Variants in TEAD1 observed in about 807,000 individuals in gnomAD.
TEAD1 encodes the protein TEA domain transcription factor 1.
TEAD1 carries 9 observed loss-of-function variants against 54.9 expected under a neutral mutation model. The ratio of observed to expected loss-of-function variants is 0.16; its 90% CI spans 0.10 to 0.29. TEAD1 has a LOEUF of 0.29. Ranked by LOEUF, TEAD1 falls within the 10% of genes least tolerant of loss-of-function variation. TEAD1 has a pLI of 1.00. For synonymous variants in TEAD1, 200 were observed against 187.8 expected (o/e 1.07, Z -0.53); for missense variants, 387 against 535.9 (o/e 0.72, Z 2.74).
At chr11:12,822,029 T>C (rs1325428569) in intron 3 of TEAD1, among the ~76,000 whole-genome samples, 1 of 137,856 alleles carries the variant, frequency 7.3e-6, no homozygotes, top group East Asian at 2.4e-4. Flanking sequence ...AGTGGCGCGA[T>C]CTCCGCTCAC....
intron 10 of TEAD1, among the ~76,000 whole-genome samples, chr11:12,908,316 A>T (rs758093444): frequency 1.3e-5 from 2 of 152,058 alleles, no homozygotes; most frequent in Non-Finnish European, 2.9e-5. Context: ...AGCCAGCTGG[A>T]GTTATTCGAA....
chr11:12,928,498 G>C (rs887709647), intron 11 of TEAD1, among the ~76,000 whole-genome samples: 1 of 151,868 alleles, frequency 6.6e-6, no homozygotes, highest in African/African-American at 2.4e-5. Context: ...TGAAACTCCT[G>C]GGCTCAAGCG....
intron 3 of TEAD1, among the ~76,000 whole-genome samples, chr11:12,806,747 C>T (rs1363142556): frequency 1.3e-5 from 2 of 152,184 alleles, no homozygotes; most frequent in South Asian, 4.1e-4. Flanking sequence ...CGTAAATGAT[C>T]TAAACATCAA....
chr11:12,717,713 C>A (rs1271941845), intron 2 of TEAD1, among the ~76,000 whole-genome samples: 1 of 152,120 alleles, frequency 6.6e-6, no homozygotes, highest in Non-Finnish European at 1.5e-5. Flanking sequence ...GGGTCTGTAC[C>A]CCACTGCTCA....
chr11:12,935,788 C>T (rs899340067), intron 12 of TEAD1, among the ~76,000 whole-genome samples: 59 of 152,146 alleles, frequency 3.9e-4, no homozygotes, highest in African/African-American at 1.4e-3. Context: ...ACTTGTGTGC[C>T]ATGTCCTCAA....
chr11:12,820,464 C>T (rs753289793), intron 3 of TEAD1, among the ~76,000 whole-genome samples: 2 of 151,968 alleles, frequency 1.3e-5, no homozygotes, highest in Non-Finnish European at 2.9e-5. Flanking sequence ...CTCACCCAAA[C>T]CATGATCTCA....
At chr11:12,893,725 C>T (rs915027083) in intron 9 of TEAD1, among the ~76,000 whole-genome samples, 2 of 151,976 alleles carry the variant, frequency 1.3e-5, no homozygotes. Flanking sequence ...TGTGAGATCC[C>T]GGAAGGAGGC....
chr11:12,699,545 A>G (rs2097110701), intron 2 of TEAD1, among the ~76,000 whole-genome samples: 2 of 152,168 alleles, frequency 1.3e-5, no homozygotes, highest in Admixed American at 6.5e-5. Flanking sequence ...TGAAACTTAT[A>G]TCTTCTGTGG....
At chr11:12,703,098 C>T (rs1469934149) in intron 2 of TEAD1, among the ~76,000 whole-genome samples, 1 of 152,172 alleles carries the variant, frequency 6.6e-6, no homozygotes, top group East Asian at 1.9e-4. Flanking sequence ...TCCCTACCTG[C>T]TTCATCACCC....
chr11:12,680,136 C>T (rs961503818), intron 2 of TEAD1, among the ~76,000 whole-genome samples: 2 of 152,184 alleles, frequency 1.3e-5, no homozygotes, highest in African/African-American at 2.4e-5. Context: ...ATTGCTTTAT[C>T]TGTTCCTTCT....
chr11:12,759,112 AC>A (rs956635219), intron 2 of TEAD1, among the ~76,000 whole-genome samples: 2 of 152,142 alleles, frequency 1.3e-5, no homozygotes, highest in Non-Finnish European at 2.9e-5. Context: ...GTTAAAATCA[AC>A]CCTTTTACTT....
chr11:12,836,419 C>CAAA (rs34899154), intron 3 of TEAD1, among the ~76,000 whole-genome samples: 23 of 132,484 alleles, frequency 1.7e-4, no homozygotes, highest in African/African-American at 4.3e-4. Context: ...GACTCCGTCT[C>CAAA]AAAAAAAAAA....
intron 2 of TEAD1, among the ~76,000 whole-genome samples, chr11:12,714,329 C>G (rs985092637): frequency 6.6e-6 from 1 of 152,148 alleles, no homozygotes; most frequent in African/African-American, 2.4e-5. Flanking sequence ...GTCTTTGTCC[C>G]CAGCAGCTCT....
intron 2 of TEAD1, among the ~76,000 whole-genome samples, chr11:12,760,274 T>A (rs892816680): frequency 7.2e-5 from 11 of 152,364 alleles, no homozygotes; most frequent in Middle Eastern, 3.4e-3. Flanking sequence ...CCCAGTAGAA[T>A]AGAGTCCCTC....
chr11:12,871,111 G>T (rs1018226809), intron 5 of TEAD1, among the ~76,000 whole-genome samples: 1 of 152,180 alleles, frequency 6.6e-6, no homozygotes, highest in African/African-American at 2.4e-5. Flanking sequence ...AGTAGAAGAT[G>T]AATCCATGCA....
intron 11 of TEAD1, among the ~76,000 whole-genome samples, chr11:12,928,920 T>A (rs1948955941): frequency 6.6e-6 from 1 of 152,190 alleles, no homozygotes; most frequent in Non-Finnish European, 1.5e-5. Context: ...TACAGCGCCT[T>A]GGTATTAACT....
intron 2 of TEAD1, among the ~76,000 whole-genome samples, chr11:12,751,614 A>G (rs1944871418): frequency 6.6e-6 from 1 of 152,106 alleles, no homozygotes; most frequent in African/African-American, 2.4e-5. Flanking sequence ...CTGAAGGGAC[A>G]GGGGTGGGAG....
intron 3 of TEAD1, among the ~76,000 whole-genome samples, chr11:12,793,607 T>C (rs1207339175): frequency 6.6e-6 from 1 of 152,216 alleles, no homozygotes; most frequent in African/African-American, 2.4e-5. Flanking sequence ...GTTTTCACTT[T>C]TGTTGCAGAT....
chr11:12,910,769 T>C (rs1948602680), intron 10 of TEAD1, among the ~76,000 whole-genome samples: 1 of 145,944 alleles, frequency 6.9e-6, no homozygotes, highest in Non-Finnish European at 1.5e-5. Flanking sequence ...TTTTTTGAGA[T>C]GGAGTCTCGC....
Sources: gnomAD v4.1 joint callset for allele counts (sites outside exome capture counted in the v4.1 genomes callset) on GRCh38, gnomAD v4.1.1 for gene constraint, MANE v1.5 for transcripts, NCBI Gene and HGNC (gene_info 2026-07-23, HGNC 2026-07-21) for gene names.